Variants in KLHL1 observed in about 807,000 individuals in gnomAD.
KLHL1 encodes the protein kelch-like protein 1.
A neutral mutation model predicts 77.7 loss-of-function variants in KLHL1; 47 were observed. That is an observed-to-expected ratio of 0.60 (90% CI 0.48 to 0.77). The LOEUF is 0.77. KLHL1 is among the 30% of genes least tolerant of loss of function. KLHL1 has a pLI of 0.00. For synonymous variants in KLHL1, 360 were observed against 325.2 expected, an observed-to-expected ratio of 1.11 and a Z score of -1.15; for missense variants, 925 against 910.8, an observed-to-expected ratio of 1.02 and a Z score of -0.20.
intron 5 of KLHL1, among the ~76,000 whole-genome samples, chr13:69,880,476 A>G (rs560246078): frequency 6.6e-6 from 1 of 152,284 alleles, no homozygotes; most frequent in Admixed American, 6.5e-5. Flanking sequence ...TCTATCGCAC[A>G]CTGTTTAAAA....
intron 7 of KLHL1, among the ~76,000 whole-genome samples, chr13:69,785,009 C>T (rs1359154710): frequency 6.7e-6 from 1 of 149,502 alleles, no homozygotes; most frequent in African/African-American, 2.5e-5. Flanking sequence ...CCTGCCTCAG[C>T]CTCCCAAGTA....
chr13:69,710,776 A>AT (rs1875838532), intron 9 of KLHL1, among the ~76,000 whole-genome samples: 1 of 152,010 alleles, frequency 6.6e-6, no homozygotes, highest in Admixed American at 6.6e-5. Context: ...CTAAGCAGCC[A>AT]TTTTTTGCCT....
intron 5 of KLHL1, among the ~76,000 whole-genome samples, chr13:69,879,309 G>T (rs1350400661): frequency 6.6e-6 from 1 of 151,832 alleles, no homozygotes; most frequent in Non-Finnish European, 1.5e-5. Flanking sequence ...CTATAATATT[G>T]CTGTGACATA....
At chr13:69,892,258 G>T (rs1484422157) in intron 4 of KLHL1, among the ~76,000 whole-genome samples, 3 of 152,126 alleles carry the variant, frequency 2.0e-5, no homozygotes, top group African/African-American at 7.2e-5. Context: ...CAGCTTAGAA[G>T]AAAATAGTAT....
chr13:69,839,270 C>G, intron 5 of KLHL1, 108 bp from the exon 6 acceptor site: 1 of 681,846 alleles, frequency 1.5e-6, no homozygotes, highest in South Asian at 2.6e-5. Context: ...TTATATTGAG[C>G]AGGATGCAGG....
chr13:69,733,517 G>A (rs989394934), intron 8 of KLHL1, among the ~76,000 whole-genome samples: 6 of 151,920 alleles, frequency 3.9e-5, no homozygotes, highest in Non-Finnish European at 8.8e-5. Context: ...AAATCAAAAT[G>A]AAAAAGAGAA....
chr13:70,025,933 A>G (rs1885929607), intron 1 of KLHL1, among the ~76,000 whole-genome samples: 1 of 152,080 alleles, frequency 6.6e-6, no homozygotes, highest in Non-Finnish European at 1.5e-5. Context: ...CAATCCCCAA[A>G]GCATTGACTC....
At chr13:70,023,749 T>C (rs779483285) in intron 1 of KLHL1, among the ~76,000 whole-genome samples, 9 of 151,976 alleles carry the variant, frequency 5.9e-5, no homozygotes, top group Non-Finnish European at 1.2e-4. Flanking sequence ...TTCTCATGGT[T>C]GTTTTCTAGC....
At chr13:69,752,629 G>A (rs1368816443) in intron 7 of KLHL1, among the ~76,000 whole-genome samples, 2 of 152,134 alleles carry the variant, frequency 1.3e-5, no homozygotes, top group African/African-American at 4.8e-5. Context: ...CAGTTGAGGT[G>A]ACATTGGTAA....
chr13:69,886,734 C>G (rs1881234020), intron 4 of KLHL1, among the ~76,000 whole-genome samples: 1 of 151,996 alleles, frequency 6.6e-6, no homozygotes. Flanking sequence ...ACATTATGTA[C>G]TATATGGTTA....
rs2138300233 is a variant in KLHL1, at chr13:69,939,904, T to C, written c.1014+136A>G. 1.7e-5 allele frequency: 10 copies of C among 578,504 alleles called. No homozygotes were observed. The South Asian group carries it at 2.7e-4, about 15-fold the overall frequency. 35.8% of individuals were successfully genotyped at this position (578,504 alleles called of 1,614,324 possible). A position where few individuals can be genotyped will look rare whatever the true frequency, so the allele number is the denominator to read the frequency against. Reference sequence around the variant, plus strand: ...GAAAATACATTATGGTACGCTATAGTTCATAACAAAAAAATGTGCCAAGCA... The same window carrying C: ...GAAAATACATTATGGTACGCTATAGCTCATAACAAAAAAATGTGCCAAGCA... On this transcript the variant is annotated intron_variant, in intron 4 of 10. Transcript: ENST00000377844.
rs912988701 is a variant in KLHL1, at chr13:70,049,315, A to C, written c.497+57888T>G. On this transcript the variant is annotated intron_variant, in intron 1 of 10. Coordinates refer to ENST00000377844, the MANE Select transcript of KLHL1 (RefSeq NM_020866.3). ...GTTGTCTTGAAGTTGAATAAAAAAT[A>C]ATTAATTAGTTCCTGATCAAACTAC... Among the ~76,000 whole-genome samples, 3 of 152,292 alleles carry C rather than the reference A, an allele frequency of 2.0e-5. No homozygotes were observed. The East Asian group carries it at 5.8e-4, about 29-fold the overall frequency.
Position 69,719,564 on chromosome 13 carries a change from C to T in KLHL1, c.1820G>A (p.Gly607Asp), listed in dbSNP as rs1872948661. 1.2e-6 allele frequency: 2 copies of T among 1,611,874 alleles called. No homozygotes were observed. Among genetic ancestry groups the T allele is most frequent in the Middle Eastern group, 1.6e-4 (1 of 6,070 alleles). The change falls in exon 9 of 11, where the codon GGT becomes GAT. Residue 607 changes from glycine (G) to aspartate (D), a missense_variant. By Grantham distance (94) the Gly-to-Asp change is moderately conservative (BLOSUM62 -1). Transcript: ENST00000377844. ...ALNGKLYSVGGRDGSSCLSSM... is the reference protein window; with the variant it reads ...ALNGKLYSVGDRDGSSCLSSM... ...ACTCAAACAGGAACTTCCATCACGA[C>T]CTCCAACTGAATACAACCTAAAAAC...
At chr13:69,900,383 A>G (rs1881813033) in intron 4 of KLHL1, among the ~76,000 whole-genome samples, 6 of 152,230 alleles carry the variant, frequency 3.9e-5, no homozygotes, top group Admixed American at 3.9e-4. Context: ...AAGACACAGC[A>G]TATGAATTGA....
chr13:70,022,527 G>T (rs978515209), intron 1 of KLHL1, among the ~76,000 whole-genome samples: 5 of 151,656 alleles, frequency 3.3e-5, no homozygotes, highest in Non-Finnish European at 7.4e-5. Context: ...ACAATATGGT[G>T]ATCAAACAGG....
intron 2 of KLHL1, among the ~76,000 whole-genome samples, chr13:69,966,945 AT>A (rs1238598254): frequency 6.6e-6 from 1 of 152,028 alleles, no homozygotes; most frequent in Non-Finnish European, 1.5e-5. Context: ...ACATGATTTC[AT>A]TTTTTTAATG....
intron 1 of KLHL1, among the ~76,000 whole-genome samples, chr13:69,989,881 T>C (rs944723770): frequency 6.6e-6 from 1 of 152,044 alleles, no homozygotes; most frequent in Non-Finnish European, 1.5e-5. Flanking sequence ...TGGGGTTTTC[T>C]AGATATAGAA....
intron 4 of KLHL1, among the ~76,000 whole-genome samples, chr13:69,932,143 A>G (rs1175532298): frequency 1.3e-5 from 2 of 151,820 alleles, no homozygotes; most frequent in African/African-American, 2.4e-5. Context: ...TATACTAAGC[A>G]TTAAGAATAT....
intron 1 of KLHL1, among the ~76,000 whole-genome samples, chr13:69,990,398 C>T (rs1163983670): frequency 6.6e-6 from 1 of 151,852 alleles, no homozygotes; most frequent in Non-Finnish European, 1.5e-5. Flanking sequence ...AAAGCAAGAG[C>T]CAGGGGTATG....
Sources: gnomAD v4.1 joint callset for allele counts (sites outside exome capture counted in the v4.1 genomes callset) on GRCh38, gnomAD v4.1.1 for gene constraint, MANE v1.5 for transcripts, NCBI Gene and HGNC (gene_info 2026-07-23, HGNC 2026-07-21) for gene names.